FLNC: variants seen among roughly 807,000 people sequenced by gnomAD.
FLNC encodes the protein filamin-C.
Under a neutral mutation model 254.3 loss-of-function variants are expected in FLNC, and 91 were observed. The observed-to-expected ratio is 0.36, with a 90% CI of 0.30 to 0.43. The LOEUF (loss-of-function observed/expected upper bound fraction) is 0.43, where lower values mean the gene tolerates loss of function less well. Ranked by LOEUF, FLNC falls within the 20% of genes least tolerant of loss-of-function variation. FLNC has a pLI of 1.00. For missense variants in FLNC, 2,853 were observed against 3,802.6 expected (o/e 0.75, Z 6.57); for synonymous variants, 1,430 against 1,577.2 (o/e 0.91, Z 2.21).
rs1335780735 is a variant in FLNC at position 128,838,143 on chromosome 7, G to A, written c.1047+79G>A. On this transcript the variant is annotated intron_variant, in intron 6 of 47. Transcript: ENST00000325888. The stretch of plus-strand genomic sequence containing the variant: ...GCTGCATGGACCCCTCTCTCAGCCT[G>A]TACCTCGCGCCTGCCCAGAGCCCCA... 63 of 1,501,158 alleles carry A rather than the reference G, an allele frequency of 4.2e-5. 1 individual carries two copies. In the South Asian group the frequency reaches 6.3e-4, roughly 15 times the overall value. 93.0% of individuals were successfully genotyped at this position (1,501,158 alleles called of 1,614,324 possible).
rs1487660980 is a variant in FLNC, at chr7:128,842,647, A to G, written c.2338A>G (p.Lys780Glu). ...YGPGVEKTGL[K>E]ANEPTYFTVD... Reference sequence around the variant, plus strand: ...CCCCGGAGTGGAGAAGACAGGCCTCAAGGCCAATGAGCCCACCTACTTCAC... The same window carrying G: ...CCCCGGAGTGGAGAAGACAGGCCTCGAGGCCAATGAGCCCACCTACTTCAC... The change falls in exon 15 of 48, where the codon AAG (lysine) becomes GAG (glutamate). Residue 780 changes from lysine (K) to glutamate (E), a missense_variant. Physicochemically the swap from Lys to Glu is moderately conservative, Grantham distance 56. Coordinates refer to ENST00000325888, the MANE Select transcript of FLNC (RefSeq NM_001458.5). This position sits in a 1 kb window ranked among gnomAD's most constrained non-coding sequence, Gnocchi z 5.4. The G allele has an allele frequency of 1.9e-6, 3 of 1,552,236 alleles. No individual in the cohort carries two copies. The highest frequency in any genetic ancestry group is 2.6e-6 in the Non-Finnish European group (3 of 1,147,764).
Position 128,838,398 on chromosome 7 carries a change from C to A in FLNC, c.1179C>A (p.Asn393Lys), listed in dbSNP as rs547934558. 3 of 1,612,078 alleles carry A rather than the reference C, an allele frequency of 1.9e-6. No homozygotes were observed. The highest frequency in any genetic ancestry group is 2.2e-5 in the East Asian group (1 of 44,754). The change falls in exon 7 of 48, where the codon AAC becomes AAA. Residue 393 changes from asparagine (N) to lysine (K), a missense_variant. By Grantham distance (94) the Asn-to-Lys change is moderately conservative. Transcript: ENST00000325888. ...PGLEPVGNVA[N>K]KPTYFDIYTA... The stretch of plus-strand genomic sequence containing the variant: ...TGGAACCTGTGGGCAATGTGGCCAA[C>A]AAACCCACCTACTTTGACATCTACA...
At chr7:128,832,814 G>C (rs570726153) in intron 1 of FLNC, among the ~76,000 whole-genome samples, 1 of 152,220 alleles carries the variant, frequency 6.6e-6, no homozygotes, top group Non-Finnish European at 1.5e-5. Context: ...TGGAGGGGAG[G>C]GGACACCGGC....
chr7:128,848,503 C>G, intron 26 of FLNC, 58 bp from the exon 27 acceptor site: 7 of 1,572,302 alleles, frequency 4.5e-6, no homozygotes, highest in Non-Finnish European at 6.1e-6. Flanking sequence ...GATGAGATCA[C>G]CCCCCACCGC....
chr7:128,852,362 C>G (rs1378328542), intron 35 of FLNC, among the ~76,000 whole-genome samples: 1 of 152,208 alleles, frequency 6.6e-6, no homozygotes, highest in Non-Finnish European at 1.5e-5. Context: ...ATTTAGCCCA[C>G]AAGGACTGAG....
rs1216270274 is a variant in FLNC at position 128,835,540 on chromosome 7, A to G, written c.567A>G (p.Lys189=). 6.2e-7 allele frequency: 1 copy of G among 1,613,352 alleles called. No homozygotes were observed. Among genetic ancestry groups the G allele is most frequent in the East Asian group, 2.2e-5 (1 of 44,892 alleles). The part of the protein sequence containing the change: ...TNFNRDWQDG[K]ALGALVDNCA... Reference sequence around the variant, plus strand: ...TCAACCGTGACTGGCAGGACGGCAAAGCTCTGGGCGCCCTGGTGGACAACT... The same window carrying G: ...TCAACCGTGACTGGCAGGACGGCAAGGCTCTGGGCGCCCTGGTGGACAACT... Residue 189 remains lysine (K), a synonymous_variant, in exon 2 of 48, where the codon AAA becomes AAG. Coordinates refer to ENST00000325888, the MANE Select transcript of FLNC (RefSeq NM_001458.5). This position sits in a 1 kb window ranked among gnomAD's most constrained non-coding sequence, Gnocchi z 5.3.
rs763391824 is a variant in FLNC at position 128,845,127 on chromosome 7, C to T, written c.3662C>T (p.Pro1221Leu). 4.3e-6 allele frequency: 7 copies of T among 1,613,884 alleles called. No individual in the cohort carries two copies. The change falls in exon 21 of 48, where the codon CCT becomes CTT. Residue 1221 changes from proline to leucine, a missense_variant. By Grantham distance (98) the Pro-to-Leu change is moderately conservative. Around this residue, in one of 10 missense-constraint regions of FLNC, gnomAD observed 1,573 missense variants for 1,883.5 expected, o/e 0.84. Coordinates refer to ENST00000325888, the MANE Select transcript of FLNC (RefSeq NM_001458.5). ...CACATCACCTACAGCCCTGCCTTCC[C>T]TGGCACCTACACCATTACCATCAAG... Reference protein sequence around the residue: ...TYHITYSPAFPGTYTITIKYG... With the variant: ...TYHITYSPAFLGTYTITIKYG...
At position 128,837,634 on chromosome 7, in the gene FLNC, T is replaced by C. The variant is rs1397106446; in HGVS notation, c.851-3T>C. ...TAACCTGGGCTCTGCTCCTGCCCCG[T>C]AGGCATCGAGCCACAGGGCAACACC... On this transcript the variant is annotated splice_polypyrimidine_tract_variant and splice_region_variant and intron_variant, in intron 4 of 47. Coordinates refer to ENST00000325888, the MANE Select transcript of FLNC (RefSeq NM_001458.5). 1 of 1,612,600 alleles carries C rather than the reference T, an allele frequency of 6.2e-7. No homozygotes were observed. The highest frequency in any genetic ancestry group is 8.5e-7 in the Non-Finnish European group (1 of 1,179,990).
At chr7:128,851,133 G>T (rs1163530188) in intron 33 of FLNC, 99 bp from the exon 34 acceptor site, 2 of 1,586,340 alleles carry the variant, frequency 1.3e-6, no homozygotes, top group East Asian at 4.5e-5. Flanking sequence ...GGCACAGACG[G>T]AGGGGGTTGG....
At position 128,843,781 on chromosome 7, in the gene FLNC, C is replaced by T; in HGVS notation, c.2812-15C>T. The T allele has an allele frequency of 1.2e-6, 2 of 1,609,232 alleles. No homozygotes were observed. Among genetic ancestry groups the T allele is most frequent in the Non-Finnish European group, 1.7e-6 (2 of 1,175,600 alleles). On this transcript the variant is annotated splice_polypyrimidine_tract_variant and intron_variant, in intron 18 of 47. Coordinates refer to ENST00000325888, the MANE Select transcript of FLNC (RefSeq NM_001458.5). Reference sequence around the variant, plus strand: ...TGCCTTATATCCAGTTCTGACCTACCATTGTACCCAACAGGGCAACATGGC... The same window carrying T: ...TGCCTTATATCCAGTTCTGACCTACTATTGTACCCAACAGGGCAACATGGC...
At chr7:128,839,880 C>A in intron 8 of FLNC, 143 bp from the exon 9 acceptor site, 1 of 1,066,148 alleles carries the variant, frequency 9.4e-7, no homozygotes, top group Non-Finnish European at 1.4e-6. Context: ...CCCGGTTGTG[C>A]TGGGGACACA....
rs1298196841 is a variant in FLNC at position 128,858,969 on chromosome 7, C to T, written c.*446C>T. 3.5e-5 allele frequency: 7 copies of T among 202,182 alleles called. No homozygotes were observed. Among genetic ancestry groups the T allele is most frequent in the Non-Finnish European group, 5.1e-5 (5 of 97,594 alleles). The allele number at this position is 202,182 out of a possible 1,614,324, so 12.5% of individuals were successfully genotyped here. A position where few individuals can be genotyped will look rare whatever the true frequency, so the allele number is the denominator to read the frequency against. On this transcript the variant is annotated 3_prime_UTR_variant, in exon 48 of 48. Coordinates refer to ENST00000325888, the MANE Select transcript of FLNC (RefSeq NM_001458.5). The surrounding 1 kb of genome is among the most constrained non-coding windows in gnomAD (Gnocchi z 6.7). ...GTCTGGTCTCTCTGGTGGCTACAACCCCAGAGTTTTAAGGACTTGGAAAGG... is the reference window on the plus strand; with the variant it reads ...GTCTGGTCTCTCTGGTGGCTACAACTCCAGAGTTTTAAGGACTTGGAAAGG...
rs761922411 is a variant in FLNC, at chr7:128,838,634, C to G, written c.1242C>G (p.Ile414Met). The change falls in exon 8 of 48, where the codon ATC (isoleucine) becomes ATG (methionine). Residue 414 changes from isoleucine to methionine, a missense_variant. This residue lies in a region of FLNC where 1,573 missense variants were observed against 1,883.5 expected (regional missense o/e 0.84). Transcript: ENST00000325888. ...GCACTGGCGATGTTGCTGTGGTGAT[C>G]GTGGACCCACAGGGCCGGCGGGACA... ...GAGTGDVAVV[I>M]VDPQGRRDTV... 3 of 1,612,904 alleles carry G rather than the reference C, an allele frequency of 1.9e-6. No homozygotes were observed. The highest frequency in any genetic ancestry group is 1.6e-4 in the Middle Eastern group (1 of 6,076).
At chr7:128,845,318 G>A in intron 21 of FLNC, 63 bp downstream of exon 21, 1 of 1,361,872 alleles carries the variant, frequency 7.3e-7, no homozygotes, top group Non-Finnish European at 1.0e-6. Flanking sequence ...GTAGTCCGTG[G>A]GAGGGAGGGA....
chr7:128,839,372 G>A (rs1808236184), intron 8 of FLNC, among the ~76,000 whole-genome samples: 1 of 152,218 alleles, frequency 6.6e-6, no homozygotes, highest in Non-Finnish European at 1.5e-5. Context: ...GCCATTGCCT[G>A]TGTTCCGTGG....
intron 24 of FLNC, 117 bp from the exon 25 acceptor site, chr7:128,847,580 G>A (rs1585162547): frequency 1.7e-6 from 2 of 1,164,910 alleles, no homozygotes; most frequent in Non-Finnish European, 1.3e-6. Context: ...TCCCATGTTG[G>A]TCTGGCTTCC....
At chr7:128,853,233 G>T in intron 37 of FLNC, 1 of 715,170 alleles carries the variant, frequency 1.4e-6, no homozygotes, top group Non-Finnish European at 2.4e-6. Flanking sequence ...AGAAAGCTCA[G>T]CTGTCCTGAG....
At chr7:128,848,222 G>T (rs1056829216) in intron 26 of FLNC, among the ~76,000 whole-genome samples, 154 bp downstream of exon 26, 2 of 152,110 alleles carry the variant, frequency 1.3e-5, no homozygotes, top group Non-Finnish European at 2.9e-5. Flanking sequence ...CTTCCCCGGG[G>T]CTCTCTGCTG....
At chr7:128,837,599 T>C in intron 4 of FLNC, 38 bp from the exon 5 acceptor site, 1 of 1,613,540 alleles carries the variant, frequency 6.2e-7, no homozygotes. Context: ...ACATGTAGGC[T>C]CTCCCTGAGT....
Sources: allele counts gnomAD v4.1 joint callset (sites outside exome capture counted in the v4.1 genomes callset), GRCh38; gene constraint gnomAD v4.1.1; regional missense constraint gnomAD v4.1.1; non-coding constraint Gnocchi (gnomAD v3.1); transcripts MANE v1.5; gene names NCBI Gene and HGNC (gene_info 2026-07-23, HGNC 2026-07-21).